GNA12: variants seen among roughly 807,000 people sequenced by gnomAD.
GNA12 encodes the protein guanine nucleotide-binding protein subunit alpha-12.
Under a neutral mutation model 26.0 loss-of-function variants are expected in GNA12, and 9 were observed. That is an observed-to-expected ratio of 0.35 (90% CI 0.21 to 0.60). GNA12 has a LOEUF of 0.60. GNA12 is among the 20% of genes least tolerant of loss of function. The pLI, the probability that GNA12 is intolerant of heterozygous loss-of-function variation, is 0.78. For synonymous variants in GNA12, 264 were observed against 219.6 expected, an observed-to-expected ratio of 1.20 and a Z score of -1.79; for missense variants, 405 against 525.8, an observed-to-expected ratio of 0.77 and a Z score of 2.25.
At chr7:2,812,391 A>G (rs899449294) in intron 1 of GNA12, among the ~76,000 whole-genome samples, 7 of 152,146 alleles carry the variant, frequency 4.6e-5, no homozygotes, top group African/African-American at 1.7e-4. Context: ...GCACCTTTGG[A>G]GGCTGAGGCG....
intron 1 of GNA12, among the ~76,000 whole-genome samples, chr7:2,817,267 G>A (rs1432565341): frequency 6.6e-6 from 1 of 152,158 alleles, no homozygotes; most frequent in Non-Finnish European, 1.5e-5. Context: ...ACCATGCCCA[G>A]CTCATTTTTT....
chr7:2,756,785 CTT>C (rs1178007620), intron 2 of GNA12, among the ~76,000 whole-genome samples: 1 of 152,120 alleles, frequency 6.6e-6, no homozygotes, highest in Admixed American at 6.5e-5. Context: ...GATTTGGTTA[CTT>C]TAAGTTAGTC....
intron 1 of GNA12, among the ~76,000 whole-genome samples, chr7:2,812,467 T>C (rs977040960): frequency 2.0e-5 from 3 of 152,082 alleles, no homozygotes; most frequent in African/African-American, 7.2e-5. Flanking sequence ...CCGTCTCTAC[T>C]AAAAATACAA....
chr7:2,794,432 C>T (rs1478278305), intron 2 of GNA12, among the ~76,000 whole-genome samples: 1 of 152,070 alleles, frequency 6.6e-6, no homozygotes, highest in Admixed American at 6.5e-5. Context: ...TAGATTCAGA[C>T]CCCAAATGAA....
At chr7:2,831,746 T>C (rs1778671186) in intron 1 of GNA12, among the ~76,000 whole-genome samples, 1 of 152,104 alleles carries the variant, frequency 6.6e-6, no homozygotes, top group South Asian at 2.1e-4. Flanking sequence ...GTCACAAAAA[T>C]ATAAATAGTT....
intron 1 of GNA12, among the ~76,000 whole-genome samples, chr7:2,841,853 ACCATAAAAC>A (rs1693494068): frequency 6.6e-6 from 1 of 152,010 alleles, no homozygotes; most frequent in African/African-American, 2.4e-5. Context: ...TCTCCCAGGC[ACCATAAAAC>A]CTAGTCTCCA....
chr7:2,783,215 G>C (rs1239235800), intron 2 of GNA12, among the ~76,000 whole-genome samples: 1 of 152,146 alleles, frequency 6.6e-6, no homozygotes, highest in African/African-American at 2.4e-5. Context: ...CCATGGTTTA[G>C]GGTTAAAGTG....
Position 2,731,798 on chromosome 7 carries a change from C to A in GNA12, c.577-48G>T. The A allele has an allele frequency of 1.0e-6, 1 of 986,582 alleles. No individual in the cohort carries two copies. The highest frequency in any genetic ancestry group is 1.4e-6 in the Non-Finnish European group (1 of 692,904). 61.1% of individuals were successfully genotyped at this position (986,582 alleles called of 1,614,324 possible). The stretch of plus-strand genomic sequence containing the variant: ...GAAATTTAGGGGGAGGAAGAAAGAA[C>A]AGAGAAAATAGAAACAAAAAGATGG... On this transcript the variant is annotated intron_variant, in intron 3 of 3. Coordinates refer to ENST00000275364, the MANE Select transcript of GNA12 (RefSeq NM_007353.3). The surrounding 1 kb of genome is among the most constrained non-coding windows in gnomAD (Gnocchi z 6.0).
intron 1 of GNA12, among the ~76,000 whole-genome samples, chr7:2,843,435 A>G (rs1157943740): frequency 2.0e-5 from 3 of 151,448 alleles, no homozygotes; most frequent in Non-Finnish European, 4.4e-5. Context: ...ACTTGAGGCC[A>G]GGAGACTGAG....
chr7:2,780,048 G>GTGTATA lies in GNA12; in HGVS notation c.525+14879_525+14880insTATACA, dbSNP rs748113158. On this transcript the variant is annotated intron_variant, in intron 2 of 3. Transcript: ENST00000275364. Reference sequence around the variant, plus strand: ...GTACTAGTTTTTTACACATTTCTGTGTACATATATATATATATATATATAT... The same window carrying GTGTATA: ...GTACTAGTTTTTTACACATTTCTGTGTGTATATACATATATATATATATATATATAT... 7.7e-3 allele frequency among the ~76,000 whole-genome samples: 650 copies of GTGTATA among 84,582 alleles called. 27 individuals carry two copies. Among genetic ancestry groups the GTGTATA allele is most frequent in the Middle Eastern group, 0.023 (3 of 132 alleles). The allele number at this position is 84,582 out of a possible 152,430, so 55.5% of individuals were successfully genotyped here.
At chr7:2,805,603 C>G (rs1393845215) in intron 1 of GNA12, among the ~76,000 whole-genome samples, 1 of 152,206 alleles carries the variant, frequency 6.6e-6, no homozygotes, top group Non-Finnish European at 1.5e-5. Flanking sequence ...TGGGCTGCCG[C>G]CTGCTCTCAC....
At chr7:2,764,244 CTTTTTTT>C (rs35992308) in intron 2 of GNA12, among the ~76,000 whole-genome samples, 5 of 139,342 alleles carry the variant, frequency 3.6e-5, no homozygotes, top group African/African-American at 1.1e-4. Flanking sequence ...CAGCTAATTT[CTTTTTTT>C]TTTTTTTTTT....
intron 2 of GNA12, among the ~76,000 whole-genome samples, chr7:2,742,812 A>C (rs761769907): frequency 6.6e-6 from 1 of 152,240 alleles, no homozygotes; most frequent in Non-Finnish European, 1.5e-5. Context: ...GCATCTTTAA[A>C]CATTTCCCAT....
rs537520801 is a variant in GNA12, at chr7:2,753,807, C to A, written c.526-20306G>T. Among the ~76,000 whole-genome samples the A allele has an allele frequency of 2.2e-4, 33 of 151,620 alleles. No individual in the cohort carries two copies. In the East Asian group the frequency reaches 6.4e-3, roughly 29 times the overall value. On this transcript the variant is annotated intron_variant, in intron 2 of 3. Transcript: ENST00000275364. ...ACTCCTGTGCCATAAGTTTTTGTTTCTTCAGTTTCTTCTGGGATATCTTTT... is the reference window on the plus strand; with the variant it reads ...ACTCCTGTGCCATAAGTTTTTGTTTATTCAGTTTCTTCTGGGATATCTTTT...
intron 2 of GNA12, among the ~76,000 whole-genome samples, chr7:2,773,381 G>A (rs910530408): frequency 1.3e-5 from 2 of 152,184 alleles, no homozygotes; most frequent in African/African-American, 2.4e-5. Flanking sequence ...TGGCCAACAT[G>A]GCAAAACCCC....
intron 2 of GNA12, among the ~76,000 whole-genome samples, chr7:2,750,576 C>G (rs1262763730): frequency 6.6e-6 from 1 of 152,200 alleles, no homozygotes; most frequent in Admixed American, 6.5e-5. Flanking sequence ...TAACAACACA[C>G]TGTAATAAAG....
At chr7:2,841,167 T>C (rs979488687) in intron 1 of GNA12, among the ~76,000 whole-genome samples, 1 of 152,186 alleles carries the variant, frequency 6.6e-6, no homozygotes, top group South Asian at 2.1e-4. Flanking sequence ...TTTTCTTTTT[T>C]TTGAGACGGA....
chr7:2,741,550 C>G lies in GNA12; in HGVS notation c.526-8049G>C, dbSNP rs193176514. On this transcript the variant is annotated intron_variant, in intron 2 of 3. Coordinates refer to ENST00000275364, the MANE Select transcript of GNA12 (RefSeq NM_007353.3). Reference sequence around the variant, plus strand: ...TCCAGCCTTTGTAGTAGCCAGAACCCAAATTCCAAGTCTCTTTGGGGCTAG... The same window carrying G: ...TCCAGCCTTTGTAGTAGCCAGAACCGAAATTCCAAGTCTCTTTGGGGCTAG... Among the ~76,000 whole-genome samples the G allele has an allele frequency of 1.4e-3, 208 of 152,254 alleles. 2 individuals are homozygous for G. Among genetic ancestry groups the G allele is most frequent in the African/African-American group, 4.6e-3 (190 of 41,532 alleles).
At chr7:2,822,720 G>A (rs1038748846) in intron 1 of GNA12, among the ~76,000 whole-genome samples, 1 of 152,222 alleles carries the variant, frequency 6.6e-6, no homozygotes, top group African/African-American at 2.4e-5. Flanking sequence ...GCTGAACTGA[G>A]AGGATCACTT....
Sources: gnomAD v4.1 joint callset for allele counts (sites outside exome capture counted in the v4.1 genomes callset) on GRCh38, gnomAD v4.1.1 for gene constraint, Gnocchi (gnomAD v3.1) non-coding constraint, MANE v1.5 for transcripts, NCBI Gene and HGNC (gene_info 2026-07-23, HGNC 2026-07-21) for gene names.